Variants in CTNND2 observed in about 807,000 individuals in gnomAD.
CTNND2 encodes catenin delta-2.
CTNND2 carries 22 observed loss-of-function variants against 144.4 expected under a neutral mutation model. That is an observed-to-expected ratio of 0.15 (90% CI 0.11 to 0.22). The LOEUF is 0.22. Ranked by LOEUF, CTNND2 falls within the 10% of genes least tolerant of loss-of-function variation. The probability of loss-of-function intolerance (pLI) is 1.00; values close to 1 mark genes in which losing one functional copy is unlikely to be tolerated. For missense variants in CTNND2, 1,353 were observed against 1,618.8 expected (o/e 0.84, Z 2.82); for synonymous variants, 751 against 695.6 (o/e 1.08, Z -1.25).
At chr5:11,234,653 A>G (rs979638823) in intron 10 of CTNND2, among the ~76,000 whole-genome samples, 1 of 152,212 alleles carries the variant, frequency 6.6e-6, no homozygotes, top group Admixed American at 6.5e-5. Context: ...ATTGCCACTG[A>G]GAGGCCCCAA....
chr5:11,292,226 TA>T (rs1748425639), intron 9 of CTNND2, among the ~76,000 whole-genome samples: 1 of 152,166 alleles, frequency 6.6e-6, no homozygotes, highest in African/African-American at 2.4e-5. Context: ...CTAAAATTCA[TA>T]AATTGAAGTT....
At chr5:11,274,704 G>A (rs971402783) in intron 9 of CTNND2, among the ~76,000 whole-genome samples, 5 of 151,610 alleles carry the variant, frequency 3.3e-5, no homozygotes, top group East Asian at 3.9e-4. Flanking sequence ...TATCTTCTCC[G>A]TGCATAAGAT....
intron 3 of CTNND2, among the ~76,000 whole-genome samples, chr5:11,508,614 T>C (rs1335817479): frequency 6.6e-6 from 1 of 152,024 alleles, no homozygotes; most frequent in Non-Finnish European, 1.5e-5. Flanking sequence ...AAATGTAACA[T>C]AGAAAATATT....
At chr5:10,977,349 C>T (rs1736624305) in intron 21 of CTNND2, among the ~76,000 whole-genome samples, 1 of 152,180 alleles carries the variant, frequency 6.6e-6, no homozygotes. Flanking sequence ...GAACAAAAAT[C>T]CTGTTGTCAG....
chr5:11,758,176 C>T (rs552586163), intron 1 of CTNND2, among the ~76,000 whole-genome samples: 53 of 151,908 alleles, frequency 3.5e-4, no homozygotes, highest in Admixed American at 8.5e-4. Flanking sequence ...CCTGAAGATG[C>T]CATCTTTCTA....
chr5:11,325,795 AC>A (rs1752465502), intron 9 of CTNND2, among the ~76,000 whole-genome samples: 1 of 151,708 alleles, frequency 6.6e-6, no homozygotes, highest in South Asian at 2.1e-4. Flanking sequence ...TCAACCAGCC[AC>A]CCGATGCTGC....
At chr5:11,617,179 A>G (rs944909142) in intron 2 of CTNND2, among the ~76,000 whole-genome samples, 5 of 152,144 alleles carry the variant, frequency 3.3e-5, no homozygotes, top group African/African-American at 1.2e-4. Context: ...CATACACATA[A>G]TAGTGTTTTT....
At chr5:11,497,983 T>C (rs1375444021) in intron 3 of CTNND2, among the ~76,000 whole-genome samples, 2 of 152,002 alleles carry the variant, frequency 1.3e-5, no homozygotes, top group African/African-American at 2.4e-5. Context: ...CCAGAACAAC[T>C]GCACATCAAA....
chr5:11,622,178 A>G (rs1010514684), intron 2 of CTNND2, among the ~76,000 whole-genome samples: 1 of 152,134 alleles, frequency 6.6e-6, no homozygotes, highest in Non-Finnish European at 1.5e-5. Context: ...CTGGTAAAAA[A>G]TCATGCAAGT....
At chr5:11,493,850 T>C (rs1384424929) in intron 3 of CTNND2, among the ~76,000 whole-genome samples, 1 of 152,188 alleles carries the variant, frequency 6.6e-6, no homozygotes, top group East Asian at 1.9e-4. Context: ...ACTAATTTTC[T>C]CTATAAATAT....
intron 9 of CTNND2, among the ~76,000 whole-genome samples, chr5:11,281,929 C>A (rs1453039280): frequency 6.6e-6 from 1 of 152,154 alleles, no homozygotes. Flanking sequence ...CAGGTCAGCC[C>A]ATAACATAGT....
chr5:11,096,602 T>G (rs1190662009), intron 15 of CTNND2, among the ~76,000 whole-genome samples: 1 of 152,212 alleles, frequency 6.6e-6, no homozygotes, highest in Non-Finnish European at 1.5e-5. Context: ...TTTCTACTTT[T>G]TGAACATATG....
chr5:10,989,681 A>G (rs1012688444), intron 19 of CTNND2, among the ~76,000 whole-genome samples: 4 of 152,082 alleles, frequency 2.6e-5, no homozygotes, highest in Non-Finnish European at 4.4e-5. Flanking sequence ...TGTCACCCTT[A>G]TATCTTCTAT....
chr5:11,267,315 A>G (rs1345424751), intron 9 of CTNND2, among the ~76,000 whole-genome samples: 2 of 152,146 alleles, frequency 1.3e-5, no homozygotes, highest in Admixed American at 1.3e-4. Flanking sequence ...TGATTTGGCA[A>G]TTGGGCTACG....
chr5:10,987,282 A>C (rs548855208), intron 20 of CTNND2, among the ~76,000 whole-genome samples: 1 of 152,298 alleles, frequency 6.6e-6, no homozygotes, highest in Admixed American at 6.5e-5. Flanking sequence ...CCTCAACAGA[A>C]GCATATACAG....
At chr5:11,490,891 GGTGGGAGGATCACTTGA>G (rs1333834625) in intron 3 of CTNND2, among the ~76,000 whole-genome samples, 5 of 152,150 alleles carry the variant, frequency 3.3e-5, no homozygotes, top group Non-Finnish European at 5.9e-5. Flanking sequence ...GGGAGGCTGA[GGTGGGAGGATCACTTGA>G]GCTCAGGAGG....
At chr5:11,546,511 A>G (rs1370208360) in intron 3 of CTNND2, among the ~76,000 whole-genome samples, 1 of 152,206 alleles carries the variant, frequency 6.6e-6, no homozygotes, top group East Asian at 1.9e-4. Flanking sequence ...ACTAGAGGTA[A>G]TTAGCAAGTT....
At chr5:11,358,043 A>G (rs1389943129) in intron 8 of CTNND2, among the ~76,000 whole-genome samples, 3 of 152,116 alleles carry the variant, frequency 2.0e-5, no homozygotes, top group African/African-American at 4.8e-5. Flanking sequence ...TGCCGTTGAA[A>G]TCTCATACTT....
chr5:11,046,558 C>T (rs1218331839), intron 16 of CTNND2, among the ~76,000 whole-genome samples: 2 of 152,172 alleles, frequency 1.3e-5, no homozygotes, highest in Non-Finnish European at 2.9e-5. Flanking sequence ...AGAGCTGCTA[C>T]TTTGAAGAAG....
Sources: gnomAD v4.1 joint callset for allele counts (sites outside exome capture counted in the v4.1 genomes callset) on GRCh38, gnomAD v4.1.1 for gene constraint, MANE v1.5 for transcripts, NCBI Gene and HGNC (gene_info 2026-07-23, HGNC 2026-07-21) for gene names.